Variants in FANCA observed in about 807,000 individuals in gnomAD.
The protein encoded by FANCA is FA complementation group A.
In FANCA, 236 loss-of-function variants were observed where a neutral mutation model predicts 194.3. That is an observed-to-expected ratio of 1.21 (90% CI 1.09 to 1.35). FANCA has a LOEUF of 1.35. Ranked by LOEUF, FANCA falls within the 40% of genes most tolerant of loss-of-function variation. FANCA has a pLI of 0.00. For synonymous variants in FANCA, 1,014 were observed against 715.8 expected (o/e 1.42, Z -6.65); for missense variants, 2,628 against 1,813.9 (o/e 1.45, Z -8.15).
At chr16:89,775,885 A>G (rs1413500930) in intron 20 of FANCA, 70 bp from the exon 21 acceptor site, 13 of 939,210 alleles carry the variant, frequency 1.4e-5, no homozygotes, top group Non-Finnish European at 2.0e-5. Flanking sequence ...CAATCCCCAA[A>G]TCTATTATAA....
intron 14 of FANCA, chr16:89,791,030 T>G (rs897529413): frequency 1.8e-4 from 31 of 175,428 alleles, no homozygotes; most frequent in South Asian, 5.9e-4. Context: ...TGTGTTTTTT[T>G]TTTTTTTTTT....
At position 89,767,158 on chromosome 16, in the gene FANCA, G is replaced by C. The variant is rs1274600695; in HGVS notation, c.2584C>G (p.Pro862Ala). The C allele has an allele frequency of 2.5e-6, 4 of 1,612,284 alleles. No homozygotes were observed. Among genetic ancestry groups the C allele is most frequent in the Non-Finnish European group, 3.4e-6 (4 of 1,178,422 alleles). ...GAACCTACCTTTTTAATAAGGCCTG[G>C]AGATAAGCAGCTGCACAAAGTATCT... ...SRDTLCSCLS[P>A]GLIKKFQFLM... Residue 862 changes from proline (P) to alanine (A), a missense_variant, in exon 27 of 43, where the codon CCA (proline) becomes GCA (alanine). Pro to Ala is a conservative substitution (Grantham distance 27, BLOSUM62 -1). Coordinates refer to ENST00000389301, the MANE Select transcript of FANCA (RefSeq NM_000135.4).
intron 35 of FANCA, 128 bp downstream of exon 35, chr16:89,746,456 G>A (rs2038393286): frequency 1.3e-6 from 1 of 778,656 alleles, no homozygotes; most frequent in Non-Finnish European, 2.2e-6. Flanking sequence ...TGGCTTCCAT[G>A]TCTCCTGATG....
chr16:89,789,986 AGGT>A (rs559616772), intron 14 of FANCA, among the ~76,000 whole-genome samples: 15 of 152,140 alleles, frequency 9.9e-5, no homozygotes, highest in Admixed American at 2.0e-4. Context: ...ATGCCCACTT[AGGT>A]TCAGGAACAG....
chr16:89,790,769 T>C (rs2040043402), intron 14 of FANCA, among the ~76,000 whole-genome samples: 2 of 151,698 alleles, frequency 1.3e-5, no homozygotes, highest in African/African-American at 4.8e-5. Context: ...ATAAGAGACA[T>C]TGTATACTCT....
chr16:89,808,234 ATAATT>A (rs2040738700), intron 6 of FANCA, 55 bp downstream of exon 6: 5 of 1,524,936 alleles, frequency 3.3e-6, no homozygotes, highest in Non-Finnish European at 3.6e-6. Context: ...GCTTTGAAAT[ATAATT>A]TATACTAGAC....
rs758396270 is a variant in FANCA at position 89,792,464 on chromosome 16, C to A, written c.1083+7G>T. On this transcript the variant is annotated splice_region_variant and intron_variant, in intron 12 of 42. Coordinates refer to ENST00000389301, the MANE Select transcript of FANCA (RefSeq NM_000135.4). ...TCAGAAGCAGGTATAATACCACATC[C>A]ACTCACCCTGCGGTACAGTGAGGTG... The A allele has an allele frequency of 1.2e-6, 2 of 1,612,626 alleles. No homozygotes were observed. The highest frequency in any genetic ancestry group is 1.7e-6 in the Non-Finnish European group (2 of 1,179,362).
Position 89,774,476 on chromosome 16 carries a change from A to C in FANCA, c.1901-1092T>G, listed in dbSNP as rs568693634. 2.6e-5 allele frequency among the ~76,000 whole-genome samples: 4 copies of C among 152,090 alleles called. No individual in the cohort carries two copies. The South Asian group carries it at 8.3e-4, about 32-fold the overall frequency. On this transcript the variant is annotated intron_variant, in intron 21 of 42. Coordinates refer to ENST00000389301, the MANE Select transcript of FANCA (RefSeq NM_000135.4). ...CCGGGCATGGGGGCTCCCACCTGTAATCCCAGCACTGTGGGAGGCCGAGGC... is the reference window on the plus strand; with the variant it reads ...CCGGGCATGGGGGCTCCCACCTGTACTCCCAGCACTGTGGGAGGCCGAGGC...
chr16:89,765,623 CA>C (rs2143294820), intron 27 of FANCA, among the ~76,000 whole-genome samples: 2 of 152,358 alleles, frequency 1.3e-5, no homozygotes, highest in East Asian at 3.9e-4. Flanking sequence ...GCGTTCCCAC[CA>C]AAAATGCACA....
intron 10 of FANCA, among the ~76,000 whole-genome samples, chr16:89,796,367 AC>A (rs1206847709): frequency 1.3e-5 from 2 of 152,070 alleles, no homozygotes; most frequent in African/African-American, 4.8e-5. Context: ...AGCCAACCCG[AC>A]GGGGCCTCAG....
At chr16:89,780,879 G>C (rs914867495) in intron 17 of FANCA, among the ~76,000 whole-genome samples, 1 of 150,296 alleles carries the variant, frequency 6.7e-6, no homozygotes, top group South Asian at 2.1e-4. Context: ...GCACTGAACT[G>C]TGATCACGGT....
intron 37 of FANCA, among the ~76,000 whole-genome samples, chr16:89,741,465 C>T (rs1240437291): frequency 6.6e-6 from 1 of 152,212 alleles, no homozygotes; most frequent in Non-Finnish European, 1.5e-5. Flanking sequence ...GGCACCTATG[C>T]GTTGCGGATC....
At chr16:89,750,492 C>A (rs796080541) in intron 31 of FANCA, among the ~76,000 whole-genome samples, 5,727 of 103,182 alleles carry the variant, frequency 0.056, 289 homozygotes, top group East Asian at 0.16. Context: ...CAAAAAAAAA[C>A]AAACAAAAAA....
intron 8 of FANCA, among the ~76,000 whole-genome samples, chr16:89,800,158 G>A (rs1009192431): frequency 6.6e-6 from 1 of 152,216 alleles, no homozygotes; most frequent in Non-Finnish European, 1.5e-5. Context: ...CATGAGCCTA[G>A]GGCTGGGCAG....
At chr16:89,767,736 G>A (rs1303189015) in intron 26 of FANCA, among the ~76,000 whole-genome samples, 1 of 152,200 alleles carries the variant, frequency 6.6e-6, no homozygotes, top group Non-Finnish European at 1.5e-5. Flanking sequence ...TTTTAGTAGA[G>A]ATGGGGTTTC....
Position 89,769,884 on chromosome 16 carries a change from G to C in FANCA, c.2457C>G (p.Asp819Glu). 6.2e-7 allele frequency: 1 copy of C among 1,614,176 alleles called. No individual in the cohort carries two copies. The change falls in exon 26 of 43, where the codon GAC becomes GAG. Residue 819 changes from aspartate (D) to glutamate (E), a missense_variant. Physicochemically the swap from Asp to Glu is conservative, Grantham distance 45. Transcript: ENST00000389301. ...GAGLPVPALF[D>E]SLLTCRTRDS... The stretch of plus-strand genomic sequence containing the variant: ...CCCTCGTCCTACAGGTCAGGAGGCT[G>C]TCAAAGAGCGCAGGGACAGGAAGGC...
intron 31 of FANCA, among the ~76,000 whole-genome samples, chr16:89,750,264 G>T (rs372192140): frequency 8.0e-5 from 12 of 150,556 alleles, no homozygotes; most frequent in Non-Finnish European, 1.6e-4. Context: ...GGAGGATCAC[G>T]AGGTCAGGAG....
intron 30 of FANCA, among the ~76,000 whole-genome samples, chr16:89,753,592 CTCAA>C (rs1188313144): frequency 1.3e-5 from 2 of 152,180 alleles, no homozygotes; most frequent in Non-Finnish European, 2.9e-5. Flanking sequence ...GATAAAAACA[CTCAA>C]TCAACCAGGA....
chr16:89,792,206 G>A (rs974381101), intron 12 of FANCA, 138 bp from the exon 13 acceptor site: 1 of 1,069,538 alleles, frequency 9.3e-7, no homozygotes, highest in South Asian at 1.3e-5. Context: ...AGCTGTGACA[G>A]CTCACACCGT....
Sources: gnomAD v4.1 joint callset for allele counts (sites outside exome capture counted in the v4.1 genomes callset) on GRCh38, gnomAD v4.1.1 for gene constraint, MANE v1.5 for transcripts, NCBI Gene and HGNC (gene_info 2026-07-23, HGNC 2026-07-21) for gene names.